Variants in SIL1 observed in about 807,000 individuals in gnomAD.
SIL1 encodes the protein SIL1 nucleotide exchange factor.
Under a neutral mutation model 49.1 loss-of-function variants are expected in SIL1, and 40 were observed. The observed-to-expected ratio is 0.81, with a 90% CI of 0.63 to 1.06. The LOEUF is 1.06. SIL1 is among the 50% of genes least tolerant of loss of function. The pLI is 0.00. For missense variants in SIL1, 500 were observed against 572.6 expected (o/e 0.87, Z 1.29); for synonymous variants, 253 against 250.8 (o/e 1.01, Z -0.08).
intron 3 of SIL1, among the ~76,000 whole-genome samples, chr5:139,060,764 A>C (rs975170999): frequency 6.6e-6 from 1 of 152,218 alleles, no homozygotes; most frequent in Non-Finnish European, 1.5e-5. Context: ...TCAATGTGAC[A>C]GTAAATATTT....
chr5:138,947,493 C>T lies in SIL1; in HGVS notation c.1030-20G>A. On this transcript the variant is annotated intron_variant, in intron 9 of 9. Coordinates refer to ENST00000394817, the MANE Select transcript of SIL1 (RefSeq NM_022464.5). This position sits in a 1 kb window ranked among gnomAD's most constrained non-coding sequence, Gnocchi z 4.1. ...GAACATCTGCCATCCGCCACAGCCG[C>T]AGGCCAGGTAGGGTGGGGGTGGGGA... The T allele has an allele frequency of 6.2e-7, 1 of 1,609,564 alleles. No individual in the cohort carries two copies. Among genetic ancestry groups the T allele is most frequent in the Non-Finnish European group, 8.5e-7 (1 of 1,176,516 alleles).
intron 1 of SIL1, among the ~76,000 whole-genome samples, chr5:139,161,073 G>A (rs1036557857): frequency 4.0e-5 from 6 of 151,802 alleles, no homozygotes; most frequent in Non-Finnish European, 5.9e-5. Flanking sequence ...GTGAAACCTC[G>A]TCTCTACTAA....
At chr5:138,971,124 G>A (rs922193768) in intron 7 of SIL1, among the ~76,000 whole-genome samples, 8 of 152,094 alleles carry the variant, frequency 5.3e-5, no homozygotes, top group Admixed American at 3.9e-4. Context: ...GATTCCCAAA[G>A]GAAAGGAAGT....
chr5:138,996,507 G>T (rs1157976390), intron 7 of SIL1, among the ~76,000 whole-genome samples: 1 of 142,332 alleles, frequency 7.0e-6, no homozygotes, highest in African/African-American at 2.6e-5. Flanking sequence ...TTTCTTTGCT[G>T]TGCAGATTTT....
intron 1 of SIL1, among the ~76,000 whole-genome samples, chr5:139,151,247 G>T (rs903436605): frequency 2.6e-5 from 4 of 152,090 alleles, no homozygotes; most frequent in African/African-American, 9.7e-5. Context: ...GACAGAGGAA[G>T]GGGGCAACAG....
intron 3 of SIL1, among the ~76,000 whole-genome samples, chr5:139,116,579 T>A (rs1770993848): frequency 6.6e-6 from 1 of 152,112 alleles, no homozygotes; most frequent in African/African-American, 2.4e-5. Flanking sequence ...CCCCTTCAGG[T>A]CCCCAAGGAA....
intron 5 of SIL1, among the ~76,000 whole-genome samples, chr5:139,038,655 C>A (rs893773410): frequency 1.3e-5 from 2 of 152,212 alleles, no homozygotes; most frequent in Admixed American, 1.3e-4. Flanking sequence ...AGAAGGGAAA[C>A]AACTTCACCT....
At chr5:139,160,845 G>C (rs969830813) in intron 1 of SIL1, among the ~76,000 whole-genome samples, 18 of 151,748 alleles carry the variant, frequency 1.2e-4, no homozygotes, top group Admixed American at 1.1e-3. Flanking sequence ...AAAAAGGGTG[G>C]GGGTAGCAAG....
At position 139,160,369 on chromosome 5, in the gene SIL1, C is replaced by CAGTA. The variant is rs763471448; in HGVS notation, c.-10-32517_-10-32516insTACT. Reference sequence around the variant, plus strand: ...TAAAGGAATGAGGATCATCATTTAGCACTGAAAAGGGGCAGTAAAAGAAGT... The same window carrying CAGTA: ...TAAAGGAATGAGGATCATCATTTAGCAGTAACTGAAAAGGGGCAGTAAAAGAAGT... On this transcript the variant is annotated intron_variant, in intron 1 of 9. Coordinates refer to ENST00000394817, the MANE Select transcript of SIL1 (RefSeq NM_022464.5). 2.2e-4 allele frequency among the ~76,000 whole-genome samples: 33 copies of CAGTA among 152,184 alleles called. 1 individual carries two copies. The highest frequency in any genetic ancestry group is 4.3e-4 in the Non-Finnish European group (29 of 68,016).
intron 7 of SIL1, among the ~76,000 whole-genome samples, chr5:138,987,742 C>T (rs1238030973): frequency 6.6e-6 from 1 of 152,230 alleles, no homozygotes; most frequent in Non-Finnish European, 1.5e-5. Context: ...AGGAGCATGA[C>T]CATGGAAAGG....
intron 7 of SIL1, among the ~76,000 whole-genome samples, chr5:139,020,144 G>A (rs946654464): frequency 6.6e-6 from 1 of 152,194 alleles, no homozygotes; most frequent in East Asian, 1.9e-4. Flanking sequence ...CCAACACAGG[G>A]AGCCAGGGCT....
chr5:139,135,972 C>A (rs1323786951), intron 1 of SIL1, among the ~76,000 whole-genome samples: 1 of 152,098 alleles, frequency 6.6e-6, no homozygotes, highest in African/African-American at 2.4e-5. Flanking sequence ...GAGGCTGAGA[C>A]AGGAGAATCT....
intron 1 of SIL1, among the ~76,000 whole-genome samples, chr5:139,159,149 A>C (rs9885373): frequency 0.088 from 13,417 of 152,148 alleles, 1,789 homozygotes; most frequent in African/African-American, 0.29. Flanking sequence ...GCACATGCGC[A>C]AAACAGTTTC....
intron 1 of SIL1, chr5:139,137,298 A>G (rs1398955120): frequency 2.8e-6 from 2 of 702,426 alleles, no homozygotes; most frequent in Admixed American, 4.0e-5. Flanking sequence ...TTTACCCATG[A>G]GGGGACCAAA....
At chr5:139,183,456 G>A (rs1456162996) in intron 1 of SIL1, among the ~76,000 whole-genome samples, 3 of 152,168 alleles carry the variant, frequency 2.0e-5, no homozygotes, top group Non-Finnish European at 4.4e-5. Context: ...AGGTGCAGCA[G>A]AGTAGAAAGG....
chr5:139,100,425 A>G (rs536801331), intron 3 of SIL1, among the ~76,000 whole-genome samples: 1 of 152,336 alleles, frequency 6.6e-6, no homozygotes, highest in Non-Finnish European at 1.5e-5. Context: ...TGACAGAGGT[A>G]ATGGTGAGCC....
chr5:138,953,677 C>G (rs1766836610), intron 7 of SIL1, among the ~76,000 whole-genome samples: 1 of 124,894 alleles, frequency 8.0e-6, no homozygotes, highest in Non-Finnish European at 1.7e-5. Flanking sequence ...GGGAGCTGAG[C>G]TGCTCCCCTG....
At chr5:139,160,143 T>TCACACACACACACACACACA in intron 1 of SIL1, among the ~76,000 whole-genome samples, 1 of 137,866 alleles carries the variant, frequency 7.3e-6, no homozygotes, top group East Asian at 2.2e-4. Context: ...ATTTCCACAA[T>TCACACACACACACACACACA]CACACACACA....
chr5:139,051,816 C>A (rs977396452), intron 3 of SIL1, among the ~76,000 whole-genome samples: 9 of 152,238 alleles, frequency 5.9e-5, no homozygotes, highest in African/African-American at 2.2e-4. Flanking sequence ...TTCCTATGCA[C>A]TGCACAAAAC....
Sources: allele counts gnomAD v4.1 joint callset (sites outside exome capture counted in the v4.1 genomes callset), GRCh38; gene constraint gnomAD v4.1.1; non-coding constraint Gnocchi (gnomAD v3.1); transcripts MANE v1.5; gene names NCBI Gene and HGNC (gene_info 2026-07-23, HGNC 2026-07-21).